SAMD12: variants seen among roughly 807,000 people sequenced by gnomAD.
SAMD12 encodes the protein sterile alpha motif domain-containing protein 12.
Under a neutral mutation model 15.0 loss-of-function variants are expected in SAMD12, and 9 were observed. That is an observed-to-expected ratio of 0.60 (90% CI 0.36 to 1.05). The LOEUF is 1.05. SAMD12 is among the 50% of genes least tolerant of loss of function. The pLI is 0.01. For synonymous variants in SAMD12, 86 were observed against 90.1 expected (o/e 0.96, Z 0.25); for missense variants, 230 against 234.2 (o/e 0.98, Z 0.12).
intron 4 of SAMD12, among the ~76,000 whole-genome samples, chr8:118,329,632 T>C (rs1243455343): frequency 6.6e-6 from 1 of 152,198 alleles, no homozygotes; most frequent in African/African-American, 2.4e-5. Flanking sequence ...CCTAGGTAGA[T>C]ATCTCTAGTG....
chr8:118,350,104 G>A (rs149874916), intron 4 of SAMD12, among the ~76,000 whole-genome samples: 41 of 152,328 alleles, frequency 2.7e-4, no homozygotes, highest in African/African-American at 9.4e-4. Flanking sequence ...AACAGAGTGA[G>A]ACTCTGGCTC....
chr8:118,342,316 G>A (rs1429888271), intron 4 of SAMD12, among the ~76,000 whole-genome samples: 1 of 149,656 alleles, frequency 6.7e-6, no homozygotes, highest in Non-Finnish European at 1.5e-5. Flanking sequence ...AGTTTTAAGA[G>A]ACTACTGACA....
intron 3 of SAMD12, among the ~76,000 whole-genome samples, chr8:118,387,662 G>C (rs1820039348): frequency 6.6e-6 from 1 of 152,052 alleles, no homozygotes; most frequent in South Asian, 2.1e-4. Flanking sequence ...TACAAACATA[G>C]GCAGAAGCCA....
chr8:118,165,637 C>CATATATACAT, the SAMD12 span, among the ~76,000 whole-genome samples: 2 of 102,262 alleles, frequency 2.0e-5, no homozygotes, highest in African/African-American at 8.0e-5. Flanking sequence ...TATATATATA[C>CATATATACAT]ATATATATAT....
the SAMD12 span, among the ~76,000 whole-genome samples, chr8:118,164,001 C>G: frequency 6.6e-6 from 1 of 152,224 alleles, no homozygotes; most frequent in African/African-American, 2.4e-5. Flanking sequence ...AACGAGGTTT[C>G]TCCTCCAACT....
intron 2 of SAMD12, among the ~76,000 whole-genome samples, chr8:118,520,086 G>T (rs1301325315): frequency 6.6e-6 from 1 of 152,198 alleles, no homozygotes; most frequent in African/African-American, 2.4e-5. Flanking sequence ...GCTGAGAGGG[G>T]AACTGAGGAA....
At chr8:118,600,928 G>A (rs1184201537) in intron 1 of SAMD12, among the ~76,000 whole-genome samples, 3 of 152,054 alleles carry the variant, frequency 2.0e-5, no homozygotes, top group Admixed American at 6.6e-5. Flanking sequence ...CAAGAACTAA[G>A]GCACTCCTTA....
intron 2 of SAMD12, among the ~76,000 whole-genome samples, chr8:118,493,482 G>A (rs1156270051): frequency 6.6e-6 from 1 of 152,140 alleles, no homozygotes; most frequent in Non-Finnish European, 1.5e-5. Flanking sequence ...TTATAGCTGT[G>A]ATAGGCAGAA....
intron 4 of SAMD12, among the ~76,000 whole-genome samples, chr8:118,238,695 G>C (rs1277114950): frequency 1.3e-5 from 2 of 152,090 alleles, no homozygotes; most frequent in Non-Finnish European, 2.9e-5. Context: ...TAGACAAAAA[G>C]CATCTGTTAT....
chr8:118,461,180 C>A (rs1338991099), intron 2 of SAMD12, among the ~76,000 whole-genome samples: 2 of 152,202 alleles, frequency 1.3e-5, no homozygotes, highest in Admixed American at 6.5e-5. Flanking sequence ...ATTTGTATAA[C>A]TATCTGCTCC....
exon 5 of SAMD12, chr8:118,194,788 C>T (rs1256425770): frequency 6.6e-6 from 1 of 152,158 alleles, no homozygotes; most frequent in African/African-American, 2.4e-5. Flanking sequence ...TTGAAGTTAA[C>T]CATGGGAGAT....
intron 4 of SAMD12, among the ~76,000 whole-genome samples, chr8:118,209,797 T>G (rs1381534880): frequency 6.6e-6 from 1 of 152,250 alleles, no homozygotes; most frequent in Non-Finnish European, 1.5e-5. Flanking sequence ...CCCATCTTTA[T>G]GTAATCTTGG....
intron 1 of SAMD12, among the ~76,000 whole-genome samples, chr8:118,598,641 A>C (rs1827782526): frequency 6.6e-6 from 1 of 152,182 alleles, no homozygotes; most frequent in Non-Finnish European, 1.5e-5. Context: ...ACCTTACATA[A>C]ATCACTTCAT....
chr8:118,154,351 T>C, the SAMD12 span, among the ~76,000 whole-genome samples: 7 of 152,332 alleles, frequency 4.6e-5, no homozygotes, highest in East Asian at 1.2e-3. Flanking sequence ...ATATTCGCTA[T>C]GCATGGGATG....
intron 3 of SAMD12, among the ~76,000 whole-genome samples, chr8:118,427,740 A>G (rs1822273914): frequency 6.6e-6 from 1 of 152,222 alleles, no homozygotes; most frequent in Non-Finnish European, 1.5e-5. Context: ...TTTTGAAATT[A>G]TTGGACTAGA....
At chr8:118,509,653 T>C (rs192529178) in intron 2 of SAMD12, among the ~76,000 whole-genome samples, 1 of 152,332 alleles carries the variant, frequency 6.6e-6, no homozygotes, top group East Asian at 1.9e-4. Flanking sequence ...TCATTCCTTT[T>C]GTATGGTGGA....
intron 4 of SAMD12, among the ~76,000 whole-genome samples, chr8:118,304,533 G>A (rs1341239605): frequency 1.3e-5 from 2 of 152,082 alleles, no homozygotes; most frequent in Non-Finnish European, 2.9e-5. Context: ...GCTGAGCCGG[G>A]TGGATCATGA....
At chr8:118,465,125 A>C (rs1823554798) in intron 2 of SAMD12, among the ~76,000 whole-genome samples, 1 of 152,188 alleles carries the variant, frequency 6.6e-6, no homozygotes, top group Non-Finnish European at 1.5e-5. Context: ...AATATACCCC[A>C]ATCTTAAAAT....
chr8:118,161,364 G>A, the SAMD12 span, among the ~76,000 whole-genome samples: 1 of 151,854 alleles, frequency 6.6e-6, no homozygotes, highest in Non-Finnish European at 1.5e-5. Context: ...TGGGAGGATC[G>A]CTTGAACCCA....
Sources: gnomAD v4.1 joint callset for allele counts (sites outside exome capture counted in the v4.1 genomes callset) on GRCh38, gnomAD v4.1.1 for gene constraint, MANE v1.5 for transcripts, NCBI Gene and HGNC (gene_info 2026-07-23, HGNC 2026-07-21) for gene names.